DGCR2: variants seen among roughly 807,000 people sequenced by gnomAD.
The protein encoded by DGCR2 is DiGeorge syndrome critical region gene 2, also known as integral membrane protein DGCR2/IDD.
DGCR2 carries 24 observed loss-of-function variants against 51.6 expected under a neutral mutation model. That is an observed-to-expected ratio of 0.47 (90% CI 0.34 to 0.65). DGCR2 has a LOEUF of 0.65. Among genes scored for constraint, DGCR2 ranks in the 30% least tolerant of loss-of-function variants. The pLI is 0.01. For missense variants in DGCR2, 765 were observed against 772.1 expected (o/e 0.99, Z 0.11); for synonymous variants, 340 against 315.4 (o/e 1.08, Z -0.82).
intron 2 of DGCR2, among the ~76,000 whole-genome samples, chr22:19,072,426 C>T (rs944312130): frequency 2.0e-5 from 3 of 152,146 alleles, no homozygotes; most frequent in Non-Finnish European, 4.4e-5. Flanking sequence ...AGGGAAGGAC[C>T]ACCAAACCTC....
At chr22:19,066,265 G>C (rs1417501061) in intron 3 of DGCR2, among the ~76,000 whole-genome samples, 1 of 152,174 alleles carries the variant, frequency 6.6e-6, no homozygotes, top group Non-Finnish European at 1.5e-5. Flanking sequence ...GCCAGGTGTG[G>C]TGGGGCACAC....
intron 8 of DGCR2, 30 bp from the exon 9 acceptor site, chr22:19,041,324 A>G (rs1157719868): frequency 1.2e-6 from 2 of 1,605,756 alleles, no homozygotes; most frequent in Non-Finnish European, 1.7e-6. Context: ...CAACGGGAAC[A>G]GAGACAAGTC....
At chr22:19,089,857 A>C (rs2083059231) in intron 1 of DGCR2, among the ~76,000 whole-genome samples, 1 of 152,372 alleles carries the variant, frequency 6.6e-6, no homozygotes, top group East Asian at 1.9e-4. Flanking sequence ...CCAGGATTAC[A>C]GGCATGTACC....
intron 2 of DGCR2, among the ~76,000 whole-genome samples, chr22:19,078,691 T>G (rs1195909353): frequency 1.3e-5 from 2 of 152,242 alleles, no homozygotes; most frequent in Admixed American, 6.5e-5. Flanking sequence ...TGATTTTAGT[T>G]TGCTGAGACA....
intron 2 of DGCR2, among the ~76,000 whole-genome samples, chr22:19,069,872 G>C (rs1257712565): frequency 1.3e-5 from 2 of 152,152 alleles, no homozygotes; most frequent in East Asian, 3.8e-4. Flanking sequence ...CTATTCGACT[G>C]GGAATCACTA....
At chr22:19,041,629 A>G (rs766104354) in intron 8 of DGCR2, 178 bp downstream of exon 8, 41 of 737,072 alleles carry the variant, frequency 5.6e-5, no homozygotes, top group East Asian at 3.1e-4. Context: ...CTCAATGGGA[A>G]TAAGGAGGGT....
At chr22:19,102,830 A>G (rs1322114536) in intron 1 of DGCR2, among the ~76,000 whole-genome samples, 2 of 152,028 alleles carry the variant, frequency 1.3e-5, no homozygotes, top group Non-Finnish European at 2.9e-5. Context: ...ACATAGTGAG[A>G]CCTCATCTCC....
At chr22:19,054,671 T>G (rs1176028256) in intron 6 of DGCR2, among the ~76,000 whole-genome samples, 1 of 150,316 alleles carries the variant, frequency 6.7e-6, no homozygotes, top group Non-Finnish European at 1.5e-5. Context: ...TTCAAGACTG[T>G]ACTGTGCTAT....
At chr22:19,094,771 GCC>G (rs1420524321) in intron 1 of DGCR2, among the ~76,000 whole-genome samples, 2 of 152,222 alleles carry the variant, frequency 1.3e-5, no homozygotes, top group East Asian at 3.8e-4. Context: ...GTTGTGTACA[GCC>G]ATACAATGGA....
At chr22:19,108,417 T>A (rs1008997764) in intron 1 of DGCR2, among the ~76,000 whole-genome samples, 4 of 150,584 alleles carry the variant, frequency 2.7e-5, no homozygotes, top group Non-Finnish European at 5.9e-5. Flanking sequence ...AAAATTAAAA[T>A]AAAAATATTA....
chr22:19,090,065 C>T (rs2083061732), intron 1 of DGCR2, among the ~76,000 whole-genome samples: 1 of 152,174 alleles, frequency 6.6e-6, no homozygotes, highest in Non-Finnish European at 1.5e-5. Context: ...AACTGTAACA[C>T]TTAAGATGAA....
intron 2 of DGCR2, among the ~76,000 whole-genome samples, chr22:19,079,998 C>T (rs1170809809): frequency 2.0e-5 from 3 of 152,220 alleles, no homozygotes; most frequent in Non-Finnish European, 2.9e-5. Flanking sequence ...TCAGGGACCA[C>T]GGTGGGAGAG....
At chr22:19,040,588 C>T (rs1473831965) in intron 9 of DGCR2, among the ~76,000 whole-genome samples, 3 of 152,238 alleles carry the variant, frequency 2.0e-5, no homozygotes, top group African/African-American at 7.2e-5. Flanking sequence ...GCCAGTAGCA[C>T]AGAAGCCACG....
intron 2 of DGCR2, among the ~76,000 whole-genome samples, chr22:19,073,149 A>G (rs2082835262): frequency 6.6e-6 from 1 of 152,174 alleles, no homozygotes; most frequent in African/African-American, 2.4e-5. Context: ...CTATAGTCCC[A>G]GCTACTCAGG....
intron 3 of DGCR2, among the ~76,000 whole-genome samples, chr22:19,067,831 T>G (rs890135933): frequency 2.6e-5 from 4 of 152,224 alleles, no homozygotes; most frequent in Admixed American, 6.5e-5. Context: ...CAAGGGCCAG[T>G]GCCTTCTGGC....
intron 5 of DGCR2, among the ~76,000 whole-genome samples, chr22:19,062,779 A>ACTCTCACTCTCTCTCTCTCTCTCT (rs2082688845): frequency 7.9e-6 from 1 of 127,354 alleles, no homozygotes; most frequent in East Asian, 2.3e-4. Flanking sequence ...ATGCATGCTC[A>ACTCTCACTCTCTCTCTCTCTCTCT]CTCTCTCTCT....
intron 4 of DGCR2, among the ~76,000 whole-genome samples, chr22:19,064,030 T>C (rs1370136585): frequency 6.6e-6 from 1 of 152,194 alleles, no homozygotes; most frequent in Non-Finnish European, 1.5e-5. Context: ...CTCCTGAGCA[T>C]GCAGGCCTAG....
At chr22:19,052,780 A>T (rs111360813) in intron 6 of DGCR2, among the ~76,000 whole-genome samples, 1 of 146,736 alleles carries the variant, frequency 6.8e-6, no homozygotes, top group Non-Finnish European at 1.5e-5. Flanking sequence ...CGCCAAAAAG[A>T]AAAAAAAAAG....
chr22:19,078,146 TAACA>T (rs1028691722), intron 2 of DGCR2, among the ~76,000 whole-genome samples: 2 of 152,206 alleles, frequency 1.3e-5, no homozygotes, highest in Non-Finnish European at 2.9e-5. Flanking sequence ...TAATTTCTTT[TAACA>T]TTTTGTAGTT....
Sources: gnomAD v4.1 joint callset for allele counts (sites outside exome capture counted in the v4.1 genomes callset) on GRCh38, gnomAD v4.1.1 for gene constraint, MANE v1.5 for transcripts, NCBI Gene and HGNC (gene_info 2026-07-23, HGNC 2026-07-21) for gene names.